The following MGMT variants were observed in gnomAD, a reference collection of about 807,000 sequenced individuals.
MGMT encodes O-6-methylguanine-DNA methyltransferase.
A neutral mutation model predicts 15.9 loss-of-function variants in MGMT; 14 were observed. That is an observed-to-expected ratio of 0.88 (90% CI 0.58 to 1.37). The LOEUF is 1.37. MGMT is among the 40% of genes most tolerant of loss of function. MGMT has a pLI of 0.00. For synonymous variants in MGMT, 130 were observed against 118.2 expected (o/e 1.10, Z -0.65); for missense variants, 282 against 268.1 (o/e 1.05, Z -0.36).
intron 3 of MGMT, among the ~76,000 whole-genome samples, chr10:129,719,086 G>T (rs561349842): frequency 2.5e-4 from 38 of 151,676 alleles, no homozygotes; most frequent in Non-Finnish European, 4.6e-4. Context: ...GCCGATCTGT[G>T]TGCCCATTCA....
chr10:129,480,122 T>C (rs191894689), intron 1 of MGMT, among the ~76,000 whole-genome samples: 28 of 152,332 alleles, frequency 1.8e-4, no homozygotes, highest in Non-Finnish European at 3.7e-4. Flanking sequence ...GACAGCTAGC[T>C]TCTCCTGCTT....
At chr10:129,485,313 C>A (rs958083945) in intron 1 of MGMT, among the ~76,000 whole-genome samples, 1 of 152,164 alleles carries the variant, frequency 6.6e-6, no homozygotes, top group Admixed American at 6.5e-5. Flanking sequence ...ATCTCTCTCC[C>A]CACTTTGGTG....
intron 1 of MGMT, among the ~76,000 whole-genome samples, chr10:129,498,999 A>T (rs1845550069): frequency 6.6e-6 from 1 of 152,226 alleles, no homozygotes; most frequent in Admixed American, 6.5e-5. Flanking sequence ...AATTCATCAC[A>T]GCAGGTTTTA....
chr10:129,545,006 G>A (rs940372752), intron 2 of MGMT, among the ~76,000 whole-genome samples: 1 of 152,182 alleles, frequency 6.6e-6, no homozygotes, highest in African/African-American at 2.4e-5. Context: ...AATAGCCCCT[G>A]CTTCGTCTGT....
In MGMT at chr10:129,676,814, A is replaced by G. The variant is rs1847791480; in HGVS notation, c.126-31081A>G. Among the ~76,000 whole-genome samples, 4 of 152,222 alleles carry G rather than the reference A, an allele frequency of 2.6e-5. No individual in the cohort carries two copies. The South Asian group carries it at 8.3e-4, about 31-fold the overall frequency. On this transcript the variant is annotated intron_variant, in intron 2 of 4. Coordinates refer to ENST00000651593, the MANE Select transcript of MGMT (RefSeq NM_002412.5). ...TTTTAGAAGTAAAATGACCTCATAT[A>G]CTTTACTTTTTTAGCACAGAGAATT...
chr10:129,510,509 C>G (rs928184158), intron 1 of MGMT, among the ~76,000 whole-genome samples: 4 of 152,098 alleles, frequency 2.6e-5, no homozygotes, highest in Admixed American at 1.3e-4. Flanking sequence ...ATTATTGGCT[C>G]TATTGGAAAT....
rs891507105 is a variant in MGMT at position 129,722,948 on chromosome 10, G to C, written c.274+14905G>C. ...TTGAACCCAGGAGACAGAGGTTGCA[G>C]TGAGCTGAGATCATGCCACTGCATT... On this transcript the variant is annotated intron_variant, in intron 3 of 4. Transcript: ENST00000651593. 2.1e-5 allele frequency among the ~76,000 whole-genome samples: 3 copies of C among 141,226 alleles called. 1 individual carries two copies. In the South Asian group the frequency reaches 7.2e-4, roughly 34 times the overall value. The allele number at this position is 141,226 out of a possible 152,430, so 92.6% of individuals were successfully genotyped here. A position where few individuals can be genotyped will look rare whatever the true frequency, so the allele number is the denominator to read the frequency against.
chr10:129,679,748 C>T (rs544482667), intron 2 of MGMT, among the ~76,000 whole-genome samples: 2 of 152,232 alleles, frequency 1.3e-5, no homozygotes, highest in South Asian at 2.1e-4. Context: ...TATCTTACCT[C>T]GATGCCATTG....
intron 2 of MGMT, among the ~76,000 whole-genome samples, chr10:129,572,923 C>A (rs1309335019): frequency 6.6e-6 from 1 of 151,996 alleles, no homozygotes; most frequent in Non-Finnish European, 1.5e-5. Flanking sequence ...TTGCTTTGGT[C>A]CTTTTTTGGA....
rs976403213 is a variant in MGMT, at chr10:129,687,978, G to C, written c.126-19917G>C. On this transcript the variant is annotated intron_variant, in intron 2 of 4. Coordinates refer to ENST00000651593, the MANE Select transcript of MGMT (RefSeq NM_002412.5). ...TTTTCTGTCCTTGCAATAGTTTGCT[G>C]AGAATGATGGTTTCCAGCTTCATCC... 3.3e-5 allele frequency among the ~76,000 whole-genome samples: 5 copies of C among 152,092 alleles called. No individual in the cohort carries two copies. The South Asian group carries it at 1.0e-3, about 32-fold the overall frequency.
chr10:129,480,133 C>T (rs776211342), intron 1 of MGMT, among the ~76,000 whole-genome samples: 1 of 152,196 alleles, frequency 6.6e-6, no homozygotes, highest in Non-Finnish European at 1.5e-5. Context: ...TCTCCTGCTT[C>T]ATTCAGTCTG....
chr10:129,744,712 C>T (rs2133174860), intron 3 of MGMT, among the ~76,000 whole-genome samples: 1 of 152,322 alleles, frequency 6.6e-6, no homozygotes, highest in East Asian at 1.9e-4. Flanking sequence ...GTGTGCGCCT[C>T]CACAGGGACC....
intron 2 of MGMT, among the ~76,000 whole-genome samples, chr10:129,582,435 G>A (rs1846567869): frequency 6.6e-6 from 1 of 152,210 alleles, no homozygotes; most frequent in African/African-American, 2.4e-5. Flanking sequence ...AACATCGTAA[G>A]TCCTTACTGC....
chr10:129,722,329 T>G (rs551699274), intron 3 of MGMT, among the ~76,000 whole-genome samples: 1 of 152,296 alleles, frequency 6.6e-6, no homozygotes, highest in South Asian at 2.1e-4. Flanking sequence ...TTTAAAGATA[T>G]GCAAGGCCTC....
intron 4 of MGMT, among the ~76,000 whole-genome samples, chr10:129,764,707 G>A (rs1848913459): frequency 6.6e-6 from 1 of 152,236 alleles, no homozygotes; most frequent in Non-Finnish European, 1.5e-5. Context: ...TGGAGTCGGA[G>A]TGATACCCGG....
intron 2 of MGMT, among the ~76,000 whole-genome samples, chr10:129,615,983 A>G (rs757528565): frequency 2.0e-5 from 3 of 152,142 alleles, no homozygotes; most frequent in Non-Finnish European, 4.4e-5. Flanking sequence ...TTTGGTTTGC[A>G]GATGGGGGTG....
At chr10:129,564,295 CCTCCTTCCTCCCCCT>C (rs1259738305) in intron 2 of MGMT, 2 of 55,106 alleles carry the variant, frequency 3.6e-5, no homozygotes, top group African/African-American at 1.5e-4. Context: ...CCTTCCTCCC[CCTCCTTCCTCCCCCT>C]CTCCTTCCTC....
intron 1 of MGMT, among the ~76,000 whole-genome samples, chr10:129,504,348 T>G (rs1845603859): frequency 6.6e-6 from 1 of 152,238 alleles, no homozygotes; most frequent in Admixed American, 6.5e-5. Context: ...AAAATGAAGT[T>G]CACCTTTCCA....
chr10:129,606,368 G>A (rs1846890779), intron 2 of MGMT, among the ~76,000 whole-genome samples: 1 of 152,178 alleles, frequency 6.6e-6, no homozygotes, highest in Non-Finnish European at 1.5e-5. Context: ...CGGTTTGGGA[G>A]GGAGAAGACT....
Sources: gnomAD v4.1 joint callset for allele counts (sites outside exome capture counted in the v4.1 genomes callset) on GRCh38, gnomAD v4.1.1 for gene constraint, MANE v1.5 for transcripts, NCBI Gene and HGNC (gene_info 2026-07-23, HGNC 2026-07-21) for gene names.